The following SASH1 variants were observed in gnomAD, a reference collection of about 807,000 sequenced individuals.
SASH1 encodes the protein SAM and SH3 domain-containing protein 1.
A neutral mutation model predicts 125.2 loss-of-function variants in SASH1; 44 were observed. The ratio of observed to expected loss-of-function variants is 0.35; its 90% confidence interval spans 0.28 to 0.45. The LOEUF (loss-of-function observed/expected upper bound fraction) is 0.45, where lower values mean the gene tolerates loss of function less well. SASH1 is among the 20% of genes least tolerant of loss of function. The pLI is 1.00. For missense variants in SASH1, 1,426 were observed against 1,614.5 expected, an observed-to-expected ratio of 0.88 and a Z score of 2.00; for synonymous variants, 639 against 649.1, an observed-to-expected ratio of 0.98 and a Z score of 0.24.
At chr6:148,432,637 C>T (rs1194584770) in intron 2 of SASH1, among the ~76,000 whole-genome samples, 1 of 152,152 alleles carries the variant, frequency 6.6e-6, no homozygotes. Context: ...AGCTGGTGGG[C>T]GCCTGGTATT....
At chr6:148,384,442 A>C (rs959080023) in intron 1 of SASH1, among the ~76,000 whole-genome samples, 3 of 152,204 alleles carry the variant, frequency 2.0e-5, no homozygotes, top group African/African-American at 7.2e-5. Context: ...ATAAATGTAG[A>C]GATGATTTTA....
intron 1 of SASH1, among the ~76,000 whole-genome samples, chr6:148,277,590 A>G (rs2128504392): frequency 6.6e-6 from 1 of 152,372 alleles, no homozygotes; most frequent in African/African-American, 2.4e-5. Context: ...TTCTTTCCGA[A>G]AGTTTGCAGA....
In SASH1 at chr6:148,524,048, A is replaced by C. The variant is rs531260016; in HGVS notation, c.1210-1243A>C. On this transcript the variant is annotated intron_variant, in intron 10 of 19. Coordinates refer to ENST00000367467, the MANE Select transcript of SASH1 (RefSeq NM_015278.5). ...CATCTAGATTTCTGTGATTTCAAAA[A>C]TGTAGGCATTTTCCTTCTAGGATGT... 2.7e-5 allele frequency among the ~76,000 whole-genome samples: 4 copies of C among 150,512 alleles called. No individual in the cohort carries two copies. The East Asian group carries it at 7.8e-4, about 29-fold the overall frequency.
chr6:148,415,328 A>G (rs897379935), intron 2 of SASH1, among the ~76,000 whole-genome samples: 3 of 152,140 alleles, frequency 2.0e-5, no homozygotes, highest in African/African-American at 7.2e-5. Context: ...TTTCCTTCCT[A>G]TTAAATAGTA....
At chr6:148,463,419 A>G (rs1777706696) in intron 4 of SASH1, among the ~76,000 whole-genome samples, 1 of 152,222 alleles carries the variant, frequency 6.6e-6, no homozygotes, top group Non-Finnish European at 1.5e-5. Context: ...CTGGGATTAC[A>G]GGGTCAGACA....
the SASH1 span, among the ~76,000 whole-genome samples, chr6:148,244,909 T>G: frequency 5.8e-5 from 8 of 137,300 alleles, no homozygotes; most frequent in Non-Finnish European, 1.1e-4. Flanking sequence ...GGGGCATGTG[T>G]GTGTGTGTGT....
intron 7 of SASH1, among the ~76,000 whole-genome samples, chr6:148,476,683 AC>A (rs1562443267): frequency 2.0e-5 from 3 of 152,150 alleles, no homozygotes; most frequent in Admixed American, 2.0e-4. Context: ...ATCCCCCCCA[AC>A]CCCCAAAAAA....
At chr6:148,338,161 G>A (rs183092850), upstream of SASH1, among the ~76,000 whole-genome samples, 2 of 152,274 alleles carry the variant, frequency 1.3e-5, no homozygotes, top group East Asian at 1.9e-4. Flanking sequence ...AGTGGCTCAC[G>A]CCTGTAATCC....
chr6:148,194,207 G>C, the SASH1 span, among the ~76,000 whole-genome samples: 3 of 152,160 alleles, frequency 2.0e-5, no homozygotes, highest in Non-Finnish European at 4.4e-5. Flanking sequence ...AGAATGCAGA[G>C]ATTCCCTGAC....
chr6:148,305,998 T>A (rs78221234), intron 1 of SASH1, among the ~76,000 whole-genome samples: 5,766 of 152,294 alleles, frequency 0.038, 143 homozygotes, highest in Middle Eastern at 0.065. Context: ...TATTATATGC[T>A]TGTATCAAAA....
rs568206838 is a variant in SASH1 at position 148,539,435 on chromosome 6, T to C, written c.2096-1008T>C. ...ATGTGCTTATAGCTTAGCTCCTACT[T>C]ACAAGTGAGACCGTGTGGATTTTGG... On this transcript the variant is annotated intron_variant, in intron 16 of 19. Transcript: ENST00000367467. 9.2e-5 allele frequency among the ~76,000 whole-genome samples: 14 copies of C among 152,310 alleles called. No individual in the cohort carries two copies. The East Asian group carries it at 2.3e-3, about 25-fold the overall frequency.
chr6:148,459,692 G>C (rs1777528575), intron 4 of SASH1, among the ~76,000 whole-genome samples: 1 of 151,722 alleles, frequency 6.6e-6, no homozygotes, highest in Non-Finnish European at 1.5e-5. Context: ...TAGGTAGGGT[G>C]GTTGAAAAAA....
intron 16 of SASH1, among the ~76,000 whole-genome samples, chr6:148,537,123 CA>C (rs1231397916): frequency 6.6e-6 from 1 of 152,168 alleles, no homozygotes; most frequent in African/African-American, 2.4e-5. Flanking sequence ...AGGTTTCTGT[CA>C]AACAAGATTT....
At chr6:148,464,849 C>A (rs1314675257) in intron 4 of SASH1, among the ~76,000 whole-genome samples, 4 of 152,140 alleles carry the variant, frequency 2.6e-5, no homozygotes, top group Non-Finnish European at 5.9e-5. Context: ...ATTCTTTGGC[C>A]AGCATCTAGG....
the SASH1 span, among the ~76,000 whole-genome samples, chr6:148,244,922 G>A: frequency 7.0e-6 from 1 of 143,614 alleles, no homozygotes; most frequent in South Asian, 2.3e-4. Context: ...GTGTGTGTGT[G>A]TGTGTGTGTA....
chr6:148,448,138 G>GTGTA (rs1554258627), intron 4 of SASH1, among the ~76,000 whole-genome samples: 2 of 150,558 alleles, frequency 1.3e-5, no homozygotes, highest in Non-Finnish European at 1.5e-5. Context: ...GTGTGTGTGT[G>GTGTA]TATGTGTGTG....
At chr6:148,445,353 T>G (rs1328739205) in intron 4 of SASH1, among the ~76,000 whole-genome samples, 3 of 152,196 alleles carry the variant, frequency 2.0e-5, no homozygotes, top group Non-Finnish European at 4.4e-5. Context: ...CATACCTGCT[T>G]TATTGCTCAA....
intron 7 of SASH1, among the ~76,000 whole-genome samples, chr6:148,486,425 A>T (rs1778844867): frequency 1.3e-5 from 2 of 152,100 alleles, no homozygotes; most frequent in Non-Finnish European, 2.9e-5. Flanking sequence ...CTGGCCTGCT[A>T]TAGGATTTCA....
chr6:148,266,821 C>T, the SASH1 span, among the ~76,000 whole-genome samples: 1 of 151,484 alleles, frequency 6.6e-6, no homozygotes, highest in African/African-American at 2.4e-5. Flanking sequence ...TATGTTGCCC[C>T]AGCTAGTCTT....
Sources: allele counts gnomAD v4.1 joint callset (sites outside exome capture counted in the v4.1 genomes callset), GRCh38; gene constraint gnomAD v4.1.1; transcripts MANE v1.5; gene names NCBI Gene and HGNC (gene_info 2026-07-23, HGNC 2026-07-21).